The following ACSM2B variants were observed in gnomAD, a reference collection of about 807,000 sequenced individuals.
The protein encoded by ACSM2B is acyl-coenzyme A synthetase ACSM2B, mitochondrial.
Under a neutral mutation model 78.6 loss-of-function variants are expected in ACSM2B, and 58 were observed. That is an observed-to-expected ratio of 0.74 (90% confidence interval 0.60 to 0.92). ACSM2B has a LOEUF of 0.92. Among genes scored for constraint, ACSM2B ranks in the 40% least tolerant of loss-of-function variants. ACSM2B has a pLI of 0.00. For missense variants in ACSM2B, 688 were observed against 711.2 expected (o/e 0.97, Z 0.37); for synonymous variants, 257 against 256.8 (o/e 1.00, Z -0.01).
chr16:20,537,266 C>A lies in ACSM2B; in HGVS notation c.1726G>T (p.Ala576Ser). ...KEWKMSGKARAQ is the reference protein window; with the variant it reads ...KEWKMSGKARSQ ...AATGTCTCCTAGACGCCTCACTGCGCACGGGCTTTTCCGGACATCTTCCAC... is the reference window on the plus strand; with the variant it reads ...AATGTCTCCTAGACGCCTCACTGCGAACGGGCTTTTCCGGACATCTTCCAC... The change falls in exon 14 of 14, where the codon GCG (alanine) becomes TCG (serine). Residue 576 changes from alanine (A) to serine (S), a missense_variant. Physicochemically the swap from Ala to Ser is moderately conservative, Grantham distance 99. Transcript: ENST00000329697. 1.2e-6 allele frequency: 2 copies of A among 1,614,048 alleles called. No individual in the cohort carries two copies. The highest frequency in any genetic ancestry group is 1.7e-6 in the Non-Finnish European group (2 of 1,179,908).
At chr16:20,565,828 C>T (rs1443394275) in intron 1 of ACSM2B, among the ~76,000 whole-genome samples, 1 of 151,916 alleles carries the variant, frequency 6.6e-6, no homozygotes, top group Non-Finnish European at 1.5e-5. Context: ...CCCGTCATTT[C>T]CCCCAACTCC....
intron 8 of ACSM2B, chr16:20,547,151 G>A (rs1175553196): frequency 2.0e-6 from 2 of 1,020,136 alleles, no homozygotes; most frequent in Admixed American, 4.5e-5. Context: ...CCACTGTGCT[G>A]GAAAGGGCAA....
chr16:20,567,197 TA>T lies in ACSM2B; in HGVS notation c.-8-2345del, dbSNP rs1238023082. On this transcript the variant is annotated intron_variant, in intron 1 of 13. Transcript: ENST00000329697. ...ATAATACTATTATAACATATTATAC[TA>T]TTATATTATATATTATACTATATAC... Among the ~76,000 whole-genome samples, 4 of 132,244 alleles carry T rather than the reference TA, an allele frequency of 3.0e-5. No individual in the cohort carries two copies. In the South Asian group the frequency reaches 6.5e-4, roughly 21 times the overall value. 86.8% of individuals were successfully genotyped at this position (132,244 alleles called of 152,430 possible). A position where few individuals can be genotyped will look rare whatever the true frequency, so the allele number is the denominator to read the frequency against.
rs752047892 is a variant in ACSM2B at position 20,553,916 on chromosome 16, C to A, written c.601G>T (p.Ala201Ser). The A allele has an allele frequency of 6.2e-7, 1 of 1,613,570 alleles. No individual in the cohort carries two copies. Among genetic ancestry groups the A allele is most frequent in the Admixed American group, 1.7e-5 (1 of 59,968 alleles). The change falls in exon 5 of 14, where the codon GCA becomes TCA. Residue 201 changes from alanine (A) to serine (S), a missense_variant. Physicochemically the swap from Ala to Ser is moderately conservative, Grantham distance 99 (BLOSUM62 1). Coordinates refer to ENST00000329697, the MANE Select transcript of ACSM2B (RefSeq NM_001105069.2). ...TCCACACAGTGATGAGTGGTGGATGCCTCACTGACAAAGACACAGATTGTC... is the reference window on the plus strand; with the variant it reads ...TCCACACAGTGATGAGTGGTGGATGACTCACTGACAAAGACACAGATTGTC... ...WLNFKKLLNE[A>S]STTHHCVETG... is the part of the protein sequence containing the mutation.
intron 2 of ACSM2B, among the ~76,000 whole-genome samples, chr16:20,561,684 C>T (rs2015659215): frequency 6.7e-6 from 1 of 148,602 alleles, no homozygotes; most frequent in South Asian, 2.2e-4. Context: ...ACAATAATCT[C>T]TTTTTTTTTT....
At chr16:20,575,636 C>T (rs1410325075) in intron 1 of ACSM2B, 1 of 150,200 alleles carries the variant, frequency 6.7e-6, no homozygotes, top group African/African-American at 2.4e-5. Flanking sequence ...GGTGCCTACC[C>T]AGATTAAGGG....
intron 2 of ACSM2B, among the ~76,000 whole-genome samples, chr16:20,562,915 G>A (rs182768108): frequency 6.2e-4 from 95 of 152,194 alleles, no homozygotes; most frequent in African/African-American, 2.0e-3. Flanking sequence ...TCTACAGCAA[G>A]GAACTGACTT....
At chr16:20,559,601 T>G (rs2015586726) in intron 2 of ACSM2B, among the ~76,000 whole-genome samples, 154 bp from the exon 3 acceptor site, 1 of 150,910 alleles carries the variant, frequency 6.6e-6, no homozygotes, top group Non-Finnish European at 1.5e-5. Flanking sequence ...CCCTAAAGAG[T>G]TGTTATTTAT....
chr16:20,572,918 G>A (rs572968310), intron 1 of ACSM2B, among the ~76,000 whole-genome samples: 1 of 150,174 alleles, frequency 6.7e-6, no homozygotes, highest in East Asian at 2.0e-4. Flanking sequence ...CTAAAGTTAT[G>A]ATTGTTTTTA....
intron 1 of ACSM2B, 73 bp from the exon 2 acceptor site, chr16:20,564,926 G>A (rs1164814645): frequency 6.6e-7 from 1 of 1,519,390 alleles, no homozygotes; most frequent in African/African-American, 1.4e-5. Context: ...GCGGCTTCAG[G>A]AGATTCATCC....
chr16:20,566,644 ACTATAC>A (rs1567218123), intron 1 of ACSM2B, among the ~76,000 whole-genome samples: 1 of 7,582 alleles, frequency 1.3e-4, no homozygotes, highest in African/African-American at 4.5e-4. Flanking sequence ...GTATATATAT[ACTATAC>A]TATATATATG....
Position 20,566,748 on chromosome 16 carries a change from TA to T in ACSM2B, c.-8-1896del, listed in dbSNP as rs1220516991. ...TACTATATATAGTATATACTATATA[TA>T]CTATATATAGTATATATAGATATAT... On this transcript the variant is annotated intron_variant, in intron 1 of 13. Transcript: ENST00000329697. Among the ~76,000 whole-genome samples, 4 of 82,476 alleles carry T rather than the reference TA, an allele frequency of 4.8e-5. 1 individual carries two copies. The highest frequency in any genetic ancestry group is 7.9e-5 in the Non-Finnish European group (4 of 50,574). 54.1% of individuals were successfully genotyped at this position (82,476 alleles called of 152,430 possible).
chr16:20,555,809 A>C (rs1206785326), intron 3 of ACSM2B, among the ~76,000 whole-genome samples: 1 of 152,192 alleles, frequency 6.6e-6, no homozygotes, highest in Non-Finnish European at 1.5e-5. Context: ...GCTGTATTCA[A>C]AACTCTCATA....
At chr16:20,555,618 G>A in intron 3 of ACSM2B, 142 bp from the exon 4 acceptor site, 3 of 1,465,868 alleles carry the variant, frequency 2.0e-6, no homozygotes, top group South Asian at 2.9e-5. Context: ...CAATAAAAAA[G>A]GGGACTAAGG....
At chr16:20,570,191 T>TG (rs1347560982) in intron 1 of ACSM2B, among the ~76,000 whole-genome samples, 1 of 151,972 alleles carries the variant, frequency 6.6e-6, no homozygotes, top group East Asian at 1.9e-4. Flanking sequence ...ATGTTGCCTG[T>TG]GGGTTTGTCA....
rs757072579 is a variant in ACSM2B at position 20,540,735 on chromosome 16, T to C, written c.1548A>G (p.Leu516=). 2.4e-5 allele frequency: 38 copies of C among 1,613,934 alleles called. No individual in the cohort carries two copies. The highest frequency in any genetic ancestry group is 9.3e-5 in the African/African-American group (7 of 75,016). Residue 516 remains leucine (L), a synonymous_variant, in exon 13 of 14, where the codon CTA becomes CTG. Coordinates refer to ENST00000329697, the MANE Select transcript of ACSM2B (RefSeq NM_001105069.2). ...TGGTGAGCTGTTCTGGGTCATGGGATAGGAACTGCGAGGCCAGGATCACAA... is the reference window on the plus strand; with the variant it reads ...TGGTGAGCTGTTCTGGGTCATGGGACAGGAACTGCGAGGCCAGGATCACAA... ...KAFVILASQF[L]SHDPEQLTKE... is the part of the protein sequence containing the mutation.
In ACSM2B at chr16:20,557,404, T is replaced by G. The variant is rs533284463; in HGVS notation, c.388+1833A>C. ...CTTCTTTGAATAACCCTGTTATTAG[T>G]TCCCCCCCAATTGCCTGTTAAATCC... On this transcript the variant is annotated intron_variant, in intron 3 of 13. Coordinates refer to ENST00000329697, the MANE Select transcript of ACSM2B (RefSeq NM_001105069.2). Among the ~76,000 whole-genome samples the G allele has an allele frequency of 6.3e-5, 9 of 143,968 alleles. No individual in the cohort carries two copies. In the South Asian group the frequency reaches 1.4e-3, roughly 22 times the overall value. 94.4% of individuals were successfully genotyped at this position (143,968 alleles called of 152,430 possible).
chr16:20,570,453 T>C (rs1490466786), intron 1 of ACSM2B, among the ~76,000 whole-genome samples: 2 of 152,044 alleles, frequency 1.3e-5, no homozygotes, highest in Non-Finnish European at 2.9e-5. Context: ...TGCTGTTGGA[T>C]TCAGTTAGCT....
chr16:20,562,039 G>A (rs1032007141), intron 2 of ACSM2B, among the ~76,000 whole-genome samples: 3 of 151,434 alleles, frequency 2.0e-5, no homozygotes, highest in African/African-American at 7.3e-5. Flanking sequence ...CAGATATTTG[G>A]GCTGTTTGAC....
Sources: gnomAD v4.1 joint callset for allele counts (sites outside exome capture counted in the v4.1 genomes callset) on GRCh38, gnomAD v4.1.1 for gene constraint, MANE v1.5 for transcripts, NCBI Gene and HGNC (gene_info 2026-07-23, HGNC 2026-07-21) for gene names.